Variants in KCNIP4 observed in about 807,000 individuals in gnomAD.
KCNIP4 encodes Kv channel-interacting protein 4.
In KCNIP4, 12 loss-of-function variants were observed where a neutral mutation model predicts 34.0. That is an observed-to-expected ratio of 0.35 (90% confidence interval 0.23 to 0.57). KCNIP4 has a LOEUF of 0.57. KCNIP4 is among the 20% of genes least tolerant of loss of function. The pLI is 0.83. For synonymous variants in KCNIP4, 124 were observed against 102.2 expected (o/e 1.21, Z -1.29); for missense variants, 238 against 311.7 (o/e 0.76, Z 1.78).
chr4:21,384,576 A>C (rs1422005465), intron 1 of KCNIP4, among the ~76,000 whole-genome samples: 1 of 152,236 alleles, frequency 6.6e-6, no homozygotes, highest in Non-Finnish European at 1.5e-5. Flanking sequence ...GATGTGGAAT[A>C]ACTTGTAGCA....
At chr4:20,950,451 T>C (rs940458241) in intron 1 of KCNIP4, among the ~76,000 whole-genome samples, 1 of 152,132 alleles carries the variant, frequency 6.6e-6, no homozygotes, top group African/African-American at 2.4e-5. Flanking sequence ...TAAGCCTGAG[T>C]TGCTTTTAAT....
At chr4:20,873,193 C>A (rs867958516) in intron 2 of KCNIP4, among the ~76,000 whole-genome samples, 1 of 152,142 alleles carries the variant, frequency 6.6e-6, no homozygotes, top group African/African-American at 2.4e-5. Context: ...AGACACTAAG[C>A]TTTGGTATTA....
intron 1 of KCNIP4, among the ~76,000 whole-genome samples, chr4:21,895,784 T>C (rs1727350843): frequency 6.6e-6 from 1 of 152,182 alleles, no homozygotes; most frequent in Non-Finnish European, 1.5e-5. Context: ...TGTCCTCAGA[T>C]TGGGAATGGG....
At chr4:21,791,039 C>T (rs1308254156) in intron 1 of KCNIP4, among the ~76,000 whole-genome samples, 1 of 131,306 alleles carries the variant, frequency 7.6e-6, no homozygotes, top group African/African-American at 2.7e-5. Flanking sequence ...TGCTATTTTT[C>T]TTGGTATCTT....
chr4:20,795,685 A>T (rs1298037172), intron 3 of KCNIP4, among the ~76,000 whole-genome samples: 1 of 152,132 alleles, frequency 6.6e-6, no homozygotes, highest in Non-Finnish European at 1.5e-5. Context: ...CCATCTTTAA[A>T]ATAGCCTGCT....
chr4:21,260,859 G>A (rs16870644), intron 1 of KCNIP4, among the ~76,000 whole-genome samples: 3,300 of 152,192 alleles, frequency 0.022, 86 homozygotes, highest in East Asian at 0.16. Flanking sequence ...ACTTATTTAA[G>A]ATCAAACAGA....
chr4:21,858,675 A>G (rs1413090322), intron 1 of KCNIP4, among the ~76,000 whole-genome samples: 2 of 152,250 alleles, frequency 1.3e-5, no homozygotes, highest in African/African-American at 2.4e-5. Context: ...ATAAAGTTAA[A>G]AGCAAGGTAA....
chr4:21,304,199 G>A (rs1156244946), intron 1 of KCNIP4, among the ~76,000 whole-genome samples: 1 of 152,116 alleles, frequency 6.6e-6, no homozygotes, highest in African/African-American at 2.4e-5. Flanking sequence ...GACAGAAAAT[G>A]CATTCATCCT....
intron 1 of KCNIP4, among the ~76,000 whole-genome samples, chr4:21,569,265 A>T: frequency 8.1e-6 from 1 of 123,278 alleles, no homozygotes; most frequent in East Asian, 2.7e-4. Flanking sequence ...AAAAAAAAAA[A>T]GCTTGATTGA....
At chr4:20,836,204 A>G (rs1314593176) in intron 3 of KCNIP4, among the ~76,000 whole-genome samples, 2 of 152,190 alleles carry the variant, frequency 1.3e-5, no homozygotes, top group African/African-American at 2.4e-5. Context: ...GGCTGGTCTC[A>G]TCTTATATCA....
Position 21,754,490 on chromosome 4 carries a change from G to C in KCNIP4, c.61+194081C>G, listed in dbSNP as rs187186409. On this transcript the variant is annotated intron_variant, in intron 1 of 8. Coordinates refer to ENST00000382152, the MANE Select transcript of KCNIP4 (RefSeq NM_025221.6). ...AATGCATAAATAACCATAAGCAATA[G>C]GTATGACCATTATTCCTGTTTTTCA... 1.0e-2 allele frequency among the ~76,000 whole-genome samples: 1,517 copies of C among 152,226 alleles called. 15 individuals carry two copies. Among genetic ancestry groups the C allele is most frequent in the Non-Finnish European group, 0.016 (1,117 of 68,018 alleles).
In KCNIP4 at chr4:21,603,914, G is replaced by T. The variant is rs545372817; in HGVS notation, c.61+344657C>A. The stretch of plus-strand genomic sequence containing the variant: ...ACAAATTTAATCTAGTAGACTGATA[G>T]TCTTATAGTTTAAAATATATTTTAA... On this transcript the variant is annotated intron_variant, in intron 1 of 8. Transcript: ENST00000382152. 3.4e-4 allele frequency among the ~76,000 whole-genome samples: 51 copies of T among 152,120 alleles called. 1 individual carries two copies. In the South Asian group the frequency reaches 9.5e-3, roughly 28 times the overall value.
intron 1 of KCNIP4, among the ~76,000 whole-genome samples, chr4:21,806,661 T>C (rs1156281011): frequency 1.3e-5 from 2 of 152,156 alleles, no homozygotes; most frequent in Admixed American, 1.3e-4. Flanking sequence ...CATGACCTGT[T>C]GGGTTAGACA....
chr4:21,071,035 C>G (rs924544041), intron 1 of KCNIP4, among the ~76,000 whole-genome samples: 29 of 151,898 alleles, frequency 1.9e-4, no homozygotes, highest in African/African-American at 6.8e-4. Context: ...TGTAGTTTAT[C>G]AATATCTTCT....
intron 1 of KCNIP4, among the ~76,000 whole-genome samples, chr4:21,030,550 G>A (rs576693106): frequency 6.6e-6 from 1 of 152,232 alleles, no homozygotes; most frequent in East Asian, 1.9e-4. Context: ...GCCAAAAAAT[G>A]TTGGGGACCA....
At chr4:21,833,252 G>A (rs921617293) in intron 1 of KCNIP4, among the ~76,000 whole-genome samples, 1 of 151,612 alleles carries the variant, frequency 6.6e-6, no homozygotes, top group African/African-American at 2.4e-5. Flanking sequence ...TCCAGCACCT[G>A]TTGTTTCCTG....
intron 1 of KCNIP4, among the ~76,000 whole-genome samples, chr4:21,621,930 A>C (rs1314767081): frequency 6.6e-6 from 1 of 152,182 alleles, no homozygotes; most frequent in Non-Finnish European, 1.5e-5. Flanking sequence ...GAACAGTGAA[A>C]GACACATATC....
At chr4:21,112,657 C>A (rs1749320474) in intron 1 of KCNIP4, among the ~76,000 whole-genome samples, 1 of 152,204 alleles carries the variant, frequency 6.6e-6, no homozygotes, top group African/African-American at 2.4e-5. Context: ...ATCAGGGCCA[C>A]CTGGCTCTTG....
intron 1 of KCNIP4, among the ~76,000 whole-genome samples, chr4:21,811,859 G>T (rs1470027628): frequency 1.3e-5 from 2 of 152,200 alleles, no homozygotes; most frequent in African/African-American, 4.8e-5. Context: ...ACAGAGGCAA[G>T]ATCTCGTGAG....
Sources: gnomAD v4.1 joint callset for allele counts (sites outside exome capture counted in the v4.1 genomes callset) on GRCh38, gnomAD v4.1.1 for gene constraint, MANE v1.5 for transcripts, NCBI Gene and HGNC (gene_info 2026-07-23, HGNC 2026-07-21) for gene names.